C2orf74: variants seen among roughly 807,000 people sequenced by gnomAD.
C2orf74 encodes the protein uncharacterized protein C2orf74.
Under a neutral mutation model 17.9 loss-of-function variants are expected in C2orf74, and 14 were observed. That is an observed-to-expected ratio of 0.78 (90% CI 0.52 to 1.22). The LOEUF is 1.22. C2orf74 is among the 50% of genes most tolerant of loss of function. The pLI is 0.00. For synonymous variants in C2orf74, 79 were observed against 72.6 expected (o/e 1.09, Z -0.44); for missense variants, 217 against 218.4 (o/e 0.99, Z 0.04).
chr2:61,163,709 T>C (rs1242628332), intron 4 of C2orf74, among the ~76,000 whole-genome samples: 2 of 152,154 alleles, frequency 1.3e-5, no homozygotes, highest in African/African-American at 4.8e-5. Context: ...ATTTAAGCCA[T>C]TCTGGTTGCT....
At chr2:61,163,344 C>T (rs981548950) in intron 4 of C2orf74, 112 bp downstream of exon 4, 2 of 1,183,360 alleles carry the variant, frequency 1.7e-6, no homozygotes, top group African/African-American at 1.5e-5. Flanking sequence ...GCGGGTGGCT[C>T]ACGCCTGTAA....
intron 1 of C2orf74, among the ~76,000 whole-genome samples, chr2:61,147,703 G>A (rs72811407): frequency 0.14 from 20,692 of 151,892 alleles, 1,911 homozygotes; most frequent in South Asian, 0.35. Context: ...TATTCTATAC[G>A]TTGATCCTTT....
chr2:61,152,094 C>G (rs1033110459), intron 1 of C2orf74: 1 of 152,336 alleles, frequency 6.6e-6, no homozygotes, highest in African/African-American at 2.4e-5. Flanking sequence ...CCAGGTCTCC[C>G]AGGGTCAGGT....
chr2:61,153,149 CAAAAA>C (rs1166347493), intron 1 of C2orf74, among the ~76,000 whole-genome samples: 1 of 56,212 alleles, frequency 1.8e-5, no homozygotes, highest in African/African-American at 6.7e-5. Context: ...ACTCCGTCTC[CAAAAA>C]AAAAAAAAAA....
chr2:61,154,298 A>G lies in C2orf74; in HGVS notation c.-121-8544A>G, dbSNP rs372505599. ...AAATTCCAATAGTGGATCATCCTAC[A>G]GTATACTTGATCAGTGCTTTACAAA... On this transcript the variant is annotated intron_variant, in intron 1 of 3. Transcript: ENST00000426997. Among the ~76,000 whole-genome samples, 55 of 152,268 alleles carry G rather than the reference A, an allele frequency of 3.6e-4. No individual in the cohort carries two copies. In the East Asian group the frequency reaches 8.5e-3, roughly 23 times the overall value.
At chr2:61,158,520 C>G (rs180962338), upstream of C2orf74, among the ~76,000 whole-genome samples, 17 of 152,288 alleles carry the variant, frequency 1.1e-4, no homozygotes. Context: ...CTGTCTAGGT[C>G]TTGCTGCTGG....
chr2:61,146,153 T>C (rs958533237), intron 1 of C2orf74, among the ~76,000 whole-genome samples: 3 of 152,242 alleles, frequency 2.0e-5, no homozygotes, highest in Admixed American at 1.3e-4. Context: ...AAGACTGATA[T>C]TATAAACTAC....
Position 61,164,568 on chromosome 2 carries a change from G to GTCGTTTTCA in C2orf74, c.*41_*42insTCGTTTTCA. 7.0e-7 allele frequency: 1 copy of GTCGTTTTCA among 1,420,534 alleles called. No individual in the cohort carries two copies. The highest frequency in any genetic ancestry group is 9.3e-7 in the Non-Finnish European group (1 of 1,075,168). 88.0% of individuals were successfully genotyped at this position (1,420,534 alleles called of 1,614,324 possible). A position where few individuals can be genotyped will look rare whatever the true frequency, so the allele number is the denominator to read the frequency against. On this transcript the variant is annotated 3_prime_UTR_variant, in exon 5 of 5. Transcript: ENST00000432605. ...AAGAGTGAAAGAAAATGTAACGTTTGACTAACGTTGAAAGACTGAGGGTAC... is the reference window on the plus strand; with the variant it reads ...AAGAGTGAAAGAAAATGTAACGTTTGTCGTTTTCAACTAACGTTGAAAGACTGAGGGTAC...
intron 1 of C2orf74, among the ~76,000 whole-genome samples, chr2:61,154,394 G>C (rs1324890093): frequency 6.6e-6 from 1 of 152,082 alleles, no homozygotes; most frequent in Non-Finnish European, 1.5e-5. Context: ...AAGGAGACAT[G>C]ATTTAATTGT....
chr2:61,148,940 C>T (rs370693554), intron 1 of C2orf74, among the ~76,000 whole-genome samples: 43 of 152,224 alleles, frequency 2.8e-4, no homozygotes, highest in African/African-American at 9.6e-4. Context: ...ATGCCTGTGT[C>T]GGGGCAGGAG....
chr2:61,159,013 T>C (rs1262095059), upstream of C2orf74, among the ~76,000 whole-genome samples: 1 of 144,048 alleles, frequency 6.9e-6, no homozygotes, highest in Non-Finnish European at 1.5e-5. Flanking sequence ...GTTTGTTTGT[T>C]TTGAGACGGG....
intron 1 of C2orf74, among the ~76,000 whole-genome samples, chr2:61,150,600 A>C (rs1465257831): frequency 6.6e-6 from 1 of 152,184 alleles, no homozygotes; most frequent in African/African-American, 2.4e-5. Context: ...TGCAGCTACA[A>C]GAGGAGACAT....
At chr2:61,150,555 A>G (rs562038790) in intron 1 of C2orf74, among the ~76,000 whole-genome samples, 2 of 152,274 alleles carry the variant, frequency 1.3e-5, no homozygotes, top group South Asian at 4.1e-4. Flanking sequence ...GTCCCCCTCC[A>G]CATGTTCCTT....
In C2orf74 at chr2:61,164,824, A is replaced by G. The variant is rs1169554848; in HGVS notation, c.*297A>G. Reference sequence around the variant, plus strand: ...TGTGAATAAAGTGATTTTTGTTTGTACAAATACCTATTAGGTACATCATAT... The same window carrying G: ...TGTGAATAAAGTGATTTTTGTTTGTGCAAATACCTATTAGGTACATCATAT... On this transcript the variant is annotated 3_prime_UTR_variant, in exon 5 of 5. Coordinates refer to ENST00000432605, the MANE Select transcript of C2orf74 (RefSeq NM_001143959.4). 1 of 210,940 alleles carries G rather than the reference A, an allele frequency of 4.7e-6. No homozygotes were observed. The highest frequency in any genetic ancestry group is 2.3e-5 in the African/African-American group (1 of 43,142). The allele number at this position is 210,940 out of a possible 1,614,324, so 13.1% of individuals were successfully genotyped here.
intron 1 of C2orf74, among the ~76,000 whole-genome samples, chr2:61,146,726 C>T (rs994742594): frequency 6.6e-6 from 1 of 152,004 alleles, no homozygotes; most frequent in Non-Finnish European, 1.5e-5. Context: ...CCCAGCTACT[C>T]AGGAGGCTGA....
chr2:61,158,938 G>C (rs1403954608), upstream of C2orf74, among the ~76,000 whole-genome samples: 2 of 152,128 alleles, frequency 1.3e-5, no homozygotes, highest in Non-Finnish European at 2.9e-5. Flanking sequence ...AATGGATGGT[G>C]ATTGCATAAT....
At position 61,164,516 on chromosome 2, in the gene C2orf74, G is replaced by C; in HGVS notation, c.553G>C (p.Glu185Gln). The change falls in exon 5 of 5, where the codon GAG becomes CAG. Residue 185 changes from glutamate (E) to glutamine (Q), a missense_variant. Physicochemically the swap from Glu to Gln is conservative, Grantham distance 29 (BLOSUM62 2). Coordinates refer to ENST00000432605, the MANE Select transcript of C2orf74 (RefSeq NM_001143959.4). ...TPRSYTREHK[E>Q]RK is the part of the protein sequence containing the mutation. ...TCGAAGCTATACTCGAGAACATAAAGAGAGGAAATGAAGCTCAAAAAAGGG... is the reference window on the plus strand; with the variant it reads ...TCGAAGCTATACTCGAGAACATAAACAGAGGAAATGAAGCTCAAAAAAGGG... 1 of 1,522,240 alleles carries C rather than the reference G, an allele frequency of 6.6e-7. No homozygotes were observed. Among genetic ancestry groups the C allele is most frequent in the South Asian group, 1.3e-5 (1 of 77,936 alleles). 94.3% of individuals were successfully genotyped at this position (1,522,240 alleles called of 1,614,324 possible).
upstream of C2orf74, chr2:61,161,660 A>G (rs775206035): frequency 6.6e-6 from 1 of 152,222 alleles, no homozygotes; most frequent in African/African-American, 2.4e-5. Flanking sequence ...CTTGTGCATC[A>G]ATATTCATAA....
At chr2:61,156,103 G>GT (rs1417925964) in intron 1 of C2orf74, among the ~76,000 whole-genome samples, 1 of 152,152 alleles carries the variant, frequency 6.6e-6, no homozygotes, top group Non-Finnish European at 1.5e-5. Flanking sequence ...GGAGGCCGAG[G>GT]TGGGAGGATC....
Sources: allele counts gnomAD v4.1 joint callset (sites outside exome capture counted in the v4.1 genomes callset), GRCh38; gene constraint gnomAD v4.1.1; transcripts MANE v1.5; gene names NCBI Gene and HGNC (gene_info 2026-07-23, HGNC 2026-07-21).